UTRN: variants seen among roughly 807,000 people sequenced by gnomAD.
UTRN encodes the protein utrophin.
Under a neutral mutation model 463.9 loss-of-function variants are expected in UTRN, and 283 were observed. The ratio of observed to expected loss-of-function variants is 0.61; its 90% confidence interval spans 0.55 to 0.67. The LOEUF is 0.67. Among genes scored for constraint, UTRN ranks in the 30% least tolerant of loss-of-function variants. UTRN has a pLI of 0.00. For missense variants in UTRN, 3,922 were observed against 4,084.3 expected, an observed-to-expected ratio of 0.96 and a Z score of 1.08; for synonymous variants, 1,442 against 1,431.5, an observed-to-expected ratio of 1.01 and a Z score of -0.17.
intron 61 of UTRN, among the ~76,000 whole-genome samples, chr6:144,782,924 G>A (rs1356742050): frequency 2.0e-5 from 3 of 152,082 alleles, no homozygotes; most frequent in African/African-American, 7.2e-5. Context: ...GGCTGGGCAC[G>A]GTGGCTCCCG....
rs146069162 is a variant in UTRN at position 144,595,374 on chromosome 6, A to C, written c.7479+18086A>C. On this transcript the variant is annotated intron_variant, in intron 51 of 74. Coordinates refer to ENST00000367545, the MANE Select transcript of UTRN (RefSeq NM_007124.3). ...TTGAGTTTCTCACCATGCACTGCTG[A>C]AATGCGTTTTGAAAACAGTGACTAA... Among the ~76,000 whole-genome samples, 316 of 152,334 alleles carry C rather than the reference A, an allele frequency of 2.1e-3. 2 individuals carry two copies. Among genetic ancestry groups the C allele is most frequent in the African/African-American group, 6.0e-3 (250 of 41,572 alleles).
At chr6:144,540,864 C>A (rs1797923248) in intron 45 of UTRN, among the ~76,000 whole-genome samples, 1 of 152,182 alleles carries the variant, frequency 6.6e-6, no homozygotes, top group Non-Finnish European at 1.5e-5. Context: ...TGTGATAAGG[C>A]AAATGTAGCA....
At chr6:144,360,658 G>A (rs768255002) in intron 2 of UTRN, among the ~76,000 whole-genome samples, 2 of 152,142 alleles carry the variant, frequency 1.3e-5, no homozygotes, top group South Asian at 2.1e-4. Context: ...AAGTGTCAGC[G>A]CCCAGCAACC....
At chr6:144,444,528 A>G (rs1584809917) in intron 14 of UTRN, 146 bp downstream of exon 14, 1 of 450,694 alleles carries the variant, frequency 2.2e-6, no homozygotes. Flanking sequence ...ATTTCTATCC[A>G]GTTTATAACT....
intron 2 of UTRN, among the ~76,000 whole-genome samples, chr6:144,367,697 T>G (rs1379126569): frequency 6.6e-6 from 1 of 152,180 alleles, no homozygotes; most frequent in African/African-American, 2.4e-5. Flanking sequence ...AAACTTATCT[T>G]CAAGAAGACA....
intron 61 of UTRN, among the ~76,000 whole-genome samples, chr6:144,786,072 A>G (rs1352467210): frequency 1.3e-5 from 2 of 152,190 alleles, no homozygotes; most frequent in Non-Finnish European, 2.9e-5. Flanking sequence ...ACCAGTTTAA[A>G]GAGTTGCCTA....
chr6:144,491,125 A>T (rs1425227833), intron 32 of UTRN, 23 bp downstream of exon 32: 1 of 1,576,018 alleles, frequency 6.3e-7, no homozygotes, highest in South Asian at 1.2e-5. Context: ...GGTGATTGGC[A>T]CATCCAGTGG....
intron 2 of UTRN, among the ~76,000 whole-genome samples, chr6:144,307,829 T>TTAA (rs1805879104): frequency 2.0e-5 from 3 of 152,196 alleles, no homozygotes; most frequent in Non-Finnish European, 4.4e-5. Flanking sequence ...TTTTTTTTTT[T>TTAA]TTAATTAATG....
chr6:144,646,028 A>G (rs747818341), intron 51 of UTRN, among the ~76,000 whole-genome samples: 20 of 152,268 alleles, frequency 1.3e-4, no homozygotes, highest in Non-Finnish European at 2.4e-4. Flanking sequence ...CATATGGGTC[A>G]CTAAACAGAT....
intron 51 of UTRN, among the ~76,000 whole-genome samples, chr6:144,619,689 A>G (rs1251091789): frequency 6.6e-6 from 1 of 152,204 alleles, no homozygotes; most frequent in Non-Finnish European, 1.5e-5. Context: ...TCCCAGTTCT[A>G]CTAATTTTCT....
At chr6:144,523,228 C>G (rs1257518136) in intron 41 of UTRN, 40 bp downstream of exon 41, 3 of 1,444,244 alleles carry the variant, frequency 2.1e-6, no homozygotes, top group Non-Finnish European at 2.8e-6. Context: ...TAAAAAAATG[C>G]CTGCAAGTTC....
chr6:144,337,126 C>G (rs1776772857), intron 2 of UTRN, among the ~76,000 whole-genome samples: 1 of 151,736 alleles, frequency 6.6e-6, no homozygotes, highest in Non-Finnish European at 1.5e-5. Flanking sequence ...CACACAGACA[C>G]ACACACACAG....
intron 39 of UTRN, among the ~76,000 whole-genome samples, chr6:144,518,936 C>T (rs1369983381): frequency 6.6e-6 from 1 of 152,104 alleles, no homozygotes; most frequent in Admixed American, 6.6e-5. Context: ...GTGCCCAAAT[C>T]TAATTCCTGA....
At chr6:144,459,083 T>C (rs1789154886) in intron 20 of UTRN, 72 bp downstream of exon 20, 6 of 1,562,852 alleles carry the variant, frequency 3.8e-6, no homozygotes, top group Admixed American at 1.9e-5. Context: ...GCTTCTCGTA[T>C]CATGAACTTT....
intron 2 of UTRN, among the ~76,000 whole-genome samples, chr6:144,305,292 C>T (rs1304616302): frequency 6.6e-6 from 1 of 152,008 alleles, no homozygotes; most frequent in Non-Finnish European, 1.5e-5. Context: ...AGCTCATATA[C>T]CTGCAGAAAT....
intron 2 of UTRN, among the ~76,000 whole-genome samples, chr6:144,337,193 AC>A (rs1238885849): frequency 6.7e-5 from 7 of 105,110 alleles, no homozygotes; most frequent in African/African-American, 4.4e-4. Context: ...ACACACACAC[AC>A]CACACACACA....
chr6:144,836,214 A>G, intron 70 of UTRN, 87 bp from the exon 71 acceptor site: 1 of 1,582,292 alleles, frequency 6.3e-7, no homozygotes, highest in African/African-American at 1.4e-5. Flanking sequence ...AGGAACTAGC[A>G]TGAGCTAAAT....
intron 2 of UTRN, among the ~76,000 whole-genome samples, chr6:144,316,974 TGG>T (rs1775323479): frequency 6.6e-6 from 1 of 152,232 alleles, no homozygotes; most frequent in Non-Finnish European, 1.5e-5. Flanking sequence ...GATAAGGCCA[TGG>T]GTAGTTCACA....
intron 22 of UTRN, 100 bp downstream of exon 22, chr6:144,461,442 AGTTTT>A: frequency 7.7e-7 from 1 of 1,292,038 alleles, no homozygotes; most frequent in Non-Finnish European, 1.0e-6. Flanking sequence ...AAAGTTGGTC[AGTTTT>A]GTTCATCATT....
Sources: allele counts gnomAD v4.1 joint callset (sites outside exome capture counted in the v4.1 genomes callset), GRCh38; gene constraint gnomAD v4.1.1; transcripts MANE v1.5; gene names NCBI Gene and HGNC (gene_info 2026-07-23, HGNC 2026-07-21).